The following CNTRL variants were observed in gnomAD, a reference collection of about 807,000 sequenced individuals.
The protein encoded by CNTRL is 110 kDa centrosomal protein.
Under a neutral mutation model 303.7 loss-of-function variants are expected in CNTRL, and 233 were observed. That is an observed-to-expected ratio of 0.77 (90% CI 0.69 to 0.86). CNTRL has a LOEUF of 0.86. CNTRL is among the 40% of genes least tolerant of loss of function. The probability of loss-of-function intolerance (pLI) is 0.00; values close to 1 mark genes in which losing one functional copy is unlikely to be tolerated. For missense variants in CNTRL, 2,524 were observed against 2,650.6 expected, an observed-to-expected ratio of 0.95 and a Z score of 1.05; for synonymous variants, 900 against 922.2, an observed-to-expected ratio of 0.98 and a Z score of 0.44.
At chr9:121,127,056 G>T (rs2050572441) in intron 14 of CNTRL, among the ~76,000 whole-genome samples, 1 of 152,146 alleles carries the variant, frequency 6.6e-6, no homozygotes, top group South Asian at 2.1e-4. Context: ...CCGACCTCAG[G>T]TGATCCGCCT....
chr9:121,126,025 T>A, intron 14 of CNTRL, 89 bp downstream of exon 14: 1 of 1,106,100 alleles, frequency 9.0e-7, no homozygotes. Context: ...AGTACATTTT[T>A]AAGTGGGAAA....
rs2048639933 is a variant in CNTRL, at chr9:121,092,504, TAA to T, written c.348+2100_348+2101del. Among the ~76,000 whole-genome samples the T allele has an allele frequency of 1.1e-4, 7 of 62,712 alleles. 2 individuals are homozygous for T. Among genetic ancestry groups the T allele is most frequent in the African/African-American group, 1.7e-4 (3 of 17,894 alleles). 41.1% of individuals were successfully genotyped at this position (62,712 alleles called of 152,430 possible). A position where few individuals can be genotyped will look rare whatever the true frequency, so the allele number is the denominator to read the frequency against. On this transcript the variant is annotated intron_variant, in intron 4 of 43. Transcript: ENST00000373855. Reference sequence around the variant, plus strand: ...TATATATAATATATATCTATATATATAATATATATCTATATATATAATATATA... The same window carrying T: ...TATATATAATATATATCTATATATATTATATATCTATATATATAATATATA...
chr9:121,086,861 C>T (rs149908217), intron 2 of CNTRL, among the ~76,000 whole-genome samples: 1 of 152,192 alleles, frequency 6.6e-6, no homozygotes, highest in African/African-American at 2.4e-5. Flanking sequence ...CCATGTTGGC[C>T]AGGCTGGTCT....
chr9:121,160,343 G>C, intron 32 of CNTRL, 41 bp downstream of exon 32: 1 of 1,351,280 alleles, frequency 7.4e-7, no homozygotes, highest in Non-Finnish European at 9.7e-7. Flanking sequence ...TTTGAGGTTG[G>C]AAATGTCTGT....
intron 13 of CNTRL, among the ~76,000 whole-genome samples, chr9:121,124,745 A>T (rs910651692): frequency 2.7e-5 from 4 of 147,808 alleles, no homozygotes; most frequent in Admixed American, 1.4e-4. Context: ...CGAGATCAGC[A>T]TGGGCAACAT....
At chr9:121,094,263 G>T (rs2048794275) in intron 4 of CNTRL, among the ~76,000 whole-genome samples, 1 of 152,208 alleles carries the variant, frequency 6.6e-6, no homozygotes, top group Non-Finnish European at 1.5e-5. Context: ...AGGCTGGGAA[G>T]TTCAAGATTG....
intron 15 of CNTRL, among the ~76,000 whole-genome samples, chr9:121,137,700 A>G (rs1003376557): frequency 6.6e-6 from 1 of 152,076 alleles, no homozygotes; most frequent in African/African-American, 2.4e-5. Flanking sequence ...AGGTTTTAGG[A>G]AAACAATTAA....
intron 11 of CNTRL, among the ~76,000 whole-genome samples, chr9:121,116,305 G>A (rs1322766971): frequency 6.6e-6 from 1 of 152,146 alleles, no homozygotes; most frequent in Non-Finnish European, 1.5e-5. Context: ...GCAGAATAAG[G>A]GAGAGTGTAG....
chr9:121,169,479 C>A, intron 38 of CNTRL, 132 bp from the exon 39 acceptor site: 3 of 873,636 alleles, frequency 3.4e-6, no homozygotes, highest in Non-Finnish European at 3.6e-6. Flanking sequence ...TAGGCTTGTA[C>A]GACTTTGTAA....
chr9:121,143,827 A>G (rs114174814), intron 19 of CNTRL, 76 bp from the exon 20 acceptor site: 9 of 1,174,214 alleles, frequency 7.7e-6, no homozygotes, highest in Admixed American at 2.3e-5. Flanking sequence ...CAGAGTCCCT[A>G]CCCTCCTGGA....
At chr9:121,097,269 T>C (rs1265806044) in intron 6 of CNTRL, among the ~76,000 whole-genome samples, 1 of 152,132 alleles carries the variant, frequency 6.6e-6, no homozygotes. Flanking sequence ...AGTTGTAGAA[T>C]AGAAAATGAA....
Position 121,118,512 on chromosome 9 carries a change from A to G in CNTRL, c.1622A>G (p.Asp541Gly), listed in dbSNP as rs144178223. The change falls in exon 12 of 44, where the codon GAT becomes GGT. Residue 541 changes from aspartate (D) to glycine (G), a missense_variant. By Grantham distance (94) the Asp-to-Gly change is moderately conservative. Transcript: ENST00000373855. ...ATTAAGGACCTGCAAATAGCCATAG[A>G]TAGCCTGGATTCCAAAGACCCAAAA... ...KEIKDLQIAI[D>G]SLDSKDPKHS... 2.5e-6 allele frequency: 4 copies of G among 1,602,958 alleles called. No individual in the cohort carries two copies. The highest frequency in any genetic ancestry group is 1.7e-5 in the Admixed American group (1 of 58,176).
At chr9:121,076,808 G>C (rs953632583) in intron 1 of CNTRL, among the ~76,000 whole-genome samples, 1 of 152,078 alleles carries the variant, frequency 6.6e-6, no homozygotes, top group African/African-American at 2.4e-5. Context: ...TTTGAAAGGA[G>C]GAGAAGATTA....
At position 121,129,985 on chromosome 9, in the gene CNTRL, G is replaced by C. The variant is rs918267482; in HGVS notation, c.2025+4049G>C. Among the ~76,000 whole-genome samples the C allele has an allele frequency of 4.6e-5, 7 of 152,126 alleles. No homozygotes were observed. The East Asian group carries it at 7.7e-4, about 17-fold the overall frequency. On this transcript the variant is annotated intron_variant, in intron 14 of 43. Coordinates refer to ENST00000373855, the MANE Select transcript of CNTRL (RefSeq NM_007018.6). ...AGCCTTGCATCCCAGGGATGAAGCC[G>C]ACTTGATCGTGGTGGATAAGCTTTT...
rs562522294 is a variant in CNTRL, at chr9:121,117,410, T to C, written c.1456-936T>C. Among the ~76,000 whole-genome samples the C allele has an allele frequency of 8.3e-4, 127 of 152,326 alleles. 1 individual carries two copies. Among genetic ancestry groups the C allele is most frequent in the Admixed American group, 1.8e-3 (27 of 15,302 alleles). On this transcript the variant is annotated intron_variant, in intron 11 of 43. Transcript: ENST00000373855. Reference sequence around the variant, plus strand: ...AAATTTTTATATTTGTTTAAATCTCTATGCTAAAAACTGTTAGAAATAAGA... The same window carrying C: ...AAATTTTTATATTTGTTTAAATCTCCATGCTAAAAACTGTTAGAAATAAGA...
At chr9:121,145,529 A>G in intron 22 of CNTRL, 144 bp downstream of exon 22, 1 of 784,906 alleles carries the variant, frequency 1.3e-6, no homozygotes, top group Non-Finnish European at 2.0e-6. Flanking sequence ...AAGTAAAATA[A>G]AATAAATCAG....
At chr9:121,124,957 AAAGAG>A (rs1427639336) in intron 13 of CNTRL, among the ~76,000 whole-genome samples, 1 of 151,350 alleles carries the variant, frequency 6.6e-6, no homozygotes, top group Non-Finnish European at 1.5e-5. Context: ...AAAAAAAAAA[AAAGAG>A]AGAGATAGTG....
intron 7 of CNTRL, among the ~76,000 whole-genome samples, chr9:121,102,735 G>A (rs1006073681): frequency 3.3e-5 from 5 of 152,274 alleles, no homozygotes; most frequent in African/African-American, 1.2e-4. Flanking sequence ...AAAATCACAA[G>A]CATTCCTATA....
chr9:121,173,806 T>C (rs570964686), intron 42 of CNTRL, 69 bp downstream of exon 42: 1 of 1,365,816 alleles, frequency 7.3e-7, no homozygotes, highest in African/African-American at 1.4e-5. Context: ...AGGGGAAAGT[T>C]ACATTTACCT....
Sources: allele counts gnomAD v4.1 joint callset (sites outside exome capture counted in the v4.1 genomes callset), GRCh38; gene constraint gnomAD v4.1.1; transcripts MANE v1.5; gene names NCBI Gene and HGNC (gene_info 2026-07-23, HGNC 2026-07-21).